MAMLD1: variants seen among roughly 807,000 people sequenced by gnomAD.
MAMLD1 encodes mastermind-like domain-containing protein 1.
In MAMLD1, 14 loss-of-function variants were observed where a neutral mutation model predicts 45.0. That is an observed-to-expected ratio of 0.31 (90% CI 0.21 to 0.49). The LOEUF (loss-of-function observed/expected upper bound fraction) is 0.49, where lower values mean the gene tolerates loss of function less well. Ranked by LOEUF, MAMLD1 falls within the 20% of genes least tolerant of loss-of-function variation. MAMLD1 has a pLI of 0.99. For synonymous variants in MAMLD1, 254 were observed against 247.8 expected, an observed-to-expected ratio of 1.02 and a Z score of -0.24; for missense variants, 543 against 603.6, an observed-to-expected ratio of 0.90 and a Z score of 1.05.
chrX:150,444,194 C>G (rs2035414304), intron 1 of MAMLD1, among the ~76,000 whole-genome samples: 1 of 111,807 alleles, frequency 8.9e-6, no homozygotes, highest in Non-Finnish European at 1.9e-5. Context: ...CACCTCATTA[C>G]TGCTATGTGG....
intron 1 of MAMLD1, among the ~76,000 whole-genome samples, chrX:150,439,909 T>C (rs2035240425): frequency 9.1e-6 from 1 of 110,396 alleles, no homozygotes. Flanking sequence ...ATCGAACCAC[T>C]GCTCTCCAGC....
At chrX:150,446,972 C>T (rs1283414906) in intron 2 of MAMLD1, among the ~76,000 whole-genome samples, 1 of 112,203 alleles carries the variant, frequency 8.9e-6, no homozygotes, top group Non-Finnish European at 1.9e-5. Context: ...TGCAGGGGTC[C>T]TCTTCCCCTT....
At chrX:150,510,071 C>T in intron 7 of MAMLD1, 25 bp downstream of exon 7, 2 of 1,066,921 alleles carry the variant, frequency 1.9e-6, no homozygotes, top group South Asian at 3.8e-5. Flanking sequence ...CCAGTGTTCC[C>T]AAAGGGGTGG....
At chrX:150,488,564 ATT>A (rs1370678326) in intron 5 of MAMLD1, among the ~76,000 whole-genome samples, 2 of 113,020 alleles carry the variant, frequency 1.8e-5, no homozygotes, top group Non-Finnish European at 3.7e-5. Flanking sequence ...ACTTAAAATA[ATT>A]TCTTTAGAGA....
At chrX:150,417,155 C>A (rs1557402510) in intron 1 of MAMLD1, among the ~76,000 whole-genome samples, 1 of 110,012 alleles carries the variant, frequency 9.1e-6, no homozygotes, top group African/African-American at 3.3e-5. Flanking sequence ...TGCTATCCCT[C>A]CCCCCTACCC....
intron 6 of MAMLD1, 98 bp from the exon 7 acceptor site, chrX:150,509,864 T>C (rs2037848752): frequency 1.6e-6 from 1 of 637,211 alleles, no homozygotes; most frequent in Non-Finnish European, 2.7e-6. Flanking sequence ...TGCTTTCTGC[T>C]GCACCAAAGC....
intron 1 of MAMLD1, among the ~76,000 whole-genome samples, chrX:150,437,753 A>T (rs1291001669): frequency 8.9e-6 from 1 of 112,101 alleles, no homozygotes; most frequent in Non-Finnish European, 1.9e-5. Context: ...TGATCATACA[A>T]TATCACAAAT....
chrX:150,363,849 C>CG (rs1279629407), intron 1 of MAMLD1, among the ~76,000 whole-genome samples: 37 of 112,678 alleles, frequency 3.3e-4, no homozygotes, highest in African/African-American at 9.7e-4. Flanking sequence ...GCAAGCTCCT[C>CG]GGGCTACGCT....
At chrX:150,384,356 G>A (rs1338023955) in intron 1 of MAMLD1, among the ~76,000 whole-genome samples, 1 of 111,972 alleles carries the variant, frequency 8.9e-6, no homozygotes, top group Non-Finnish European at 1.9e-5. Flanking sequence ...GCATTTCCCT[G>A]TTGGCTATGA....
intron 1 of MAMLD1, among the ~76,000 whole-genome samples, chrX:150,391,940 C>T (rs782253248): frequency 3.6e-5 from 4 of 111,797 alleles, no homozygotes; most frequent in African/African-American, 6.5e-5. Flanking sequence ...CAAAATAGAG[C>T]GCTGACTGAC....
intron 1 of MAMLD1, among the ~76,000 whole-genome samples, chrX:150,371,075 CCCCG>C (rs1223182654): frequency 3.6e-5 from 4 of 110,791 alleles, no homozygotes; most frequent in Non-Finnish European, 5.7e-5. Flanking sequence ...GGAGGAGGAC[CCCCG>C]ACCCACCCAC....
At chrX:150,416,835 G>T in intron 1 of MAMLD1, among the ~76,000 whole-genome samples, 1 of 112,005 alleles carries the variant, frequency 8.9e-6, no homozygotes, top group Admixed American at 9.5e-5. Context: ...AGTAATGAAA[G>T]CACATTTTCT....
intron 1 of MAMLD1, among the ~76,000 whole-genome samples, chrX:150,435,123 T>C (rs1557404230): frequency 8.9e-6 from 1 of 111,910 alleles, no homozygotes. Context: ...TTAGGATAGT[T>C]AGGTCTTCTT....
At chrX:150,466,526 C>T (rs1315528852) in intron 3 of MAMLD1, among the ~76,000 whole-genome samples, 2 of 112,320 alleles carry the variant, frequency 1.8e-5, no homozygotes, top group Non-Finnish European at 3.8e-5. Flanking sequence ...GGTGAGCCTG[C>T]CCCCTTTATT....
chrX:150,444,058 G>A (rs782411143), intron 1 of MAMLD1, among the ~76,000 whole-genome samples: 2 of 111,835 alleles, frequency 1.8e-5, no homozygotes, highest in Non-Finnish European at 3.8e-5. Context: ...CAGGGAAGGC[G>A]GGCACCATCT....
chrX:150,475,238 C>T (rs1275309311), intron 5 of MAMLD1, among the ~76,000 whole-genome samples: 1 of 111,030 alleles, frequency 9.0e-6, no homozygotes, highest in African/African-American at 3.3e-5. Context: ...TGGTTTTTGT[C>T]TGTTCATTTC....
At position 150,512,419 on chromosome X, in the gene MAMLD1, G is replaced by T. The variant is rs1557409197; in HGVS notation, c.*460G>T. The T allele has an allele frequency of 7.8e-6, 9 of 1,154,170 alleles. No individual in the cohort carries two copies. The East Asian group carries it at 2.9e-4, about 38-fold the overall frequency. On this transcript the variant is annotated 3_prime_UTR_variant, in exon 8 of 8. Coordinates refer to ENST00000370401, the MANE Select transcript of MAMLD1 (RefSeq NM_005491.5). ...CCACTGCGTTCAACAATGCTGCATG[G>T]GTCACAGCGGCAGCAGCTGTGACCA...
chrX:150,391,432 T>A (rs1338107821), intron 1 of MAMLD1, among the ~76,000 whole-genome samples: 1 of 111,664 alleles, frequency 9.0e-6, no homozygotes, highest in Non-Finnish European at 1.9e-5. Flanking sequence ...GGGTGAATTA[T>A]ACTGATGTGT....
chrX:150,497,283 C>CTTTTTTTTTTT (rs782269885), intron 5 of MAMLD1, among the ~76,000 whole-genome samples: 30 of 85,215 alleles, frequency 3.5e-4, no homozygotes, highest in African/African-American at 1.0e-3. Flanking sequence ...TCTTTTTTTT[C>CTTTTTTTTTTT]TTTTTTTTTT....
Sources: allele counts gnomAD v4.1 joint callset (sites outside exome capture counted in the v4.1 genomes callset), GRCh38; gene constraint gnomAD v4.1.1; transcripts MANE v1.5; gene names NCBI Gene and HGNC (gene_info 2026-07-23, HGNC 2026-07-21).